The following PDE6A variants were observed in gnomAD, a reference collection of about 807,000 sequenced individuals.
The protein encoded by PDE6A is rod cGMP-specific 3',5'-cyclic phosphodiesterase subunit alpha.
Under a neutral mutation model 106.3 loss-of-function variants are expected in PDE6A, and 84 were observed. The ratio of observed to expected loss-of-function variants is 0.79; its 90% confidence interval spans 0.66 to 0.95. The LOEUF (loss-of-function observed/expected upper bound fraction) is 0.95, where lower values mean the gene tolerates loss of function less well. Ranked by LOEUF, PDE6A falls within the 40% of genes least tolerant of loss-of-function variation. The pLI is 0.00. For missense variants in PDE6A, 1,052 were observed against 1,084.9 expected (o/e 0.97, Z 0.43); for synonymous variants, 394 against 386.6 (o/e 1.02, Z -0.23).
rs56930344 is a variant in PDE6A, at chr5:149,940,505, C to CTTTTTTTTTTTTTT, written c.474+3694_474+3695insAAAAAAAAAAAAAA. On this transcript the variant is annotated intron_variant, in intron 1 of 21. Transcript: ENST00000255266. ...AGACCAAAAGATACCTGTTTGAATCCTTTTTTTTTTGGAGACAGTTTTGCT... is the reference window on the plus strand; with the variant it reads ...AGACCAAAAGATACCTGTTTGAATCCTTTTTTTTTTTTTTTTTTTTTTTTGGAGACAGTTTTGCT... 3.0e-3 allele frequency among the ~76,000 whole-genome samples: 419 copies of CTTTTTTTTTTTTTT among 141,514 alleles called. 5 individuals carry two copies. Among genetic ancestry groups the CTTTTTTTTTTTTTT allele is most frequent in the African/African-American group, 4.9e-3 (185 of 37,570 alleles). The allele number at this position is 141,514 out of a possible 152,430, so 92.8% of individuals were successfully genotyped here.
At chr5:149,936,332 T>C (rs1754185104) in intron 1 of PDE6A, among the ~76,000 whole-genome samples, 1 of 152,190 alleles carries the variant, frequency 6.6e-6, no homozygotes. Context: ...TAAGAGAAGC[T>C]TGTAGTGCTG....
chr5:149,909,743 A>AT (rs1479082303), intron 6 of PDE6A, among the ~76,000 whole-genome samples: 4 of 152,066 alleles, frequency 2.6e-5, no homozygotes, highest in African/African-American at 9.7e-5. Context: ...CAGGTTTTTT[A>AT]TTTTTTACAG....
intron 17 of PDE6A, among the ~76,000 whole-genome samples, chr5:149,873,427 G>A (rs1476581993): frequency 6.6e-6 from 1 of 151,550 alleles, no homozygotes; most frequent in Admixed American, 6.6e-5. Context: ...TACCTCTGGA[G>A]TTCAAACGAT....
chr5:149,897,004 T>G (rs30818), intron 10 of PDE6A, among the ~76,000 whole-genome samples: 64,513 of 152,070 alleles, frequency 0.42, 15,882 homozygotes, highest in Non-Finnish European at 0.57. Context: ...ATGCTTCTGA[T>G]CTTCAGTTTC....
intron 5 of PDE6A, 111 bp downstream of exon 5, chr5:149,921,524 C>A (rs1172659824): frequency 3.8e-6 from 3 of 792,050 alleles, no homozygotes; most frequent in Non-Finnish European, 6.5e-6. Context: ...AAGGAGACAA[C>A]CCAACGCAAA....
intron 8 of PDE6A, among the ~76,000 whole-genome samples, chr5:149,900,398 T>TGTATATATATATATATATATCC (rs1752930997): frequency 7.4e-6 from 1 of 135,102 alleles, no homozygotes; most frequent in Admixed American, 7.7e-5. Flanking sequence ...TATATATATA[T>TGTATATATATATATATATATCC]CCGTTGGTTC....
intron 13 of PDE6A, among the ~76,000 whole-genome samples, chr5:149,891,430 G>A (rs190350073): frequency 3.3e-5 from 5 of 152,198 alleles, no homozygotes; most frequent in East Asian, 1.9e-4. Context: ...AGATCACATC[G>A]CTGTACTCCA....
chr5:149,879,403 A>ATT (rs928837288), intron 17 of PDE6A, among the ~76,000 whole-genome samples: 1 of 144,000 alleles, frequency 6.9e-6, no homozygotes, highest in Non-Finnish European at 1.5e-5. Context: ...TCGCTCTGAA[A>ATT]TTTTTTTTTT....
chr5:149,896,893 G>A, intron 10 of PDE6A, 117 bp from the exon 11 acceptor site: 1 of 1,138,530 alleles, frequency 8.8e-7, no homozygotes, highest in Non-Finnish European at 1.3e-6. Flanking sequence ...AGCTCAAAGA[G>A]GATTCCATTT....
At chr5:149,903,603 GA>G (rs746919336) in intron 8 of PDE6A, 44 bp downstream of exon 8, 48 of 1,493,604 alleles carry the variant, frequency 3.2e-5, no homozygotes, top group Middle Eastern at 1.7e-4. Context: ...CTTTGGGGAG[GA>G]AAAAAAATCA....
Position 149,915,849 on chromosome 5 carries a change from T to C in PDE6A, c.934-842A>G, listed in dbSNP as rs1753534234. On this transcript the variant is annotated intron_variant, in intron 5 of 21. Transcript: ENST00000255266. The stretch of plus-strand genomic sequence containing the variant: ...GAAACCAGTTTTATCTGATAGTTGC[T>C]GAAACAACCTGCTGCAACTCTAGGA... Among the ~76,000 whole-genome samples the C allele has an allele frequency of 2.0e-5, 3 of 151,730 alleles. No individual in the cohort carries two copies. In the South Asian group the frequency reaches 6.2e-4, roughly 31 times the overall value.
At position 149,928,208 on chromosome 5, in the gene PDE6A, G is replaced by GATAT. The variant is rs1228867964; in HGVS notation, c.858+2819_858+2820insATAT. On this transcript the variant is annotated intron_variant, in intron 4 of 21. Coordinates refer to ENST00000255266, the MANE Select transcript of PDE6A (RefSeq NM_000440.3). ...TGTACTACAGCTCATAATTGTATGT[G>GATAT]CTATATATATATATATATATATATT... Among the ~76,000 whole-genome samples, 40 of 57,728 alleles carry GATAT rather than the reference G, an allele frequency of 6.9e-4. 1 individual carries two copies. The highest frequency in any genetic ancestry group is 3.5e-3 in the African/African-American group (37 of 10,588). The allele number at this position is 57,728 out of a possible 152,430, so 37.9% of individuals were successfully genotyped here. A position where few individuals can be genotyped will look rare whatever the true frequency, so the allele number is the denominator to read the frequency against.
intron 16 of PDE6A, among the ~76,000 whole-genome samples, chr5:149,884,199 A>T (rs4394112): frequency 0.48 from 68,615 of 142,090 alleles, 17,384 homozygotes; most frequent in African/African-American, 0.58. Context: ...AAAAAAAAAA[A>T]ATATATATAT....
chr5:149,889,953 A>G (rs978415834), intron 13 of PDE6A, among the ~76,000 whole-genome samples: 16 of 141,344 alleles, frequency 1.1e-4, no homozygotes, highest in African/African-American at 4.3e-4. Context: ...CCAAAGTCAT[A>G]TTCATTTTTT....
In PDE6A at chr5:149,858,268, T is replaced by C. The variant is rs1334889004; in HGVS notation, c.*2627A>G. On this transcript the variant is annotated 3_prime_UTR_variant, in exon 22 of 22. Coordinates refer to ENST00000255266, the MANE Select transcript of PDE6A (RefSeq NM_000440.3). ...AATTATACCTCCATAAAGCTGGTGGTGGGGGGGGAACGATAGAGAAGGAAA... is the reference window on the plus strand; with the variant it reads ...AATTATACCTCCATAAAGCTGGTGGCGGGGGGGGAACGATAGAGAAGGAAA... 1 of 151,384 alleles carries C rather than the reference T, an allele frequency of 6.6e-6. No individual in the cohort carries two copies. Among genetic ancestry groups the C allele is most frequent in the Non-Finnish European group, 1.5e-5 (1 of 67,840 alleles). The allele number at this position is 151,384 out of a possible 1,614,324, so 9.4% of individuals were successfully genotyped here.
chr5:149,876,819 A>G (rs1343380578), intron 17 of PDE6A, among the ~76,000 whole-genome samples: 1 of 152,060 alleles, frequency 6.6e-6, no homozygotes, highest in African/African-American at 2.4e-5. Flanking sequence ...CAATACATCC[A>G]ACTTATCTTT....
At chr5:149,932,434 G>C in intron 3 of PDE6A, 1 of 1,390,978 alleles carries the variant, frequency 7.2e-7, no homozygotes, top group East Asian at 2.3e-5. Flanking sequence ...GGAGTTGACT[G>C]AATAAGGTCA....
At chr5:149,887,404 C>A (rs1205648549) in intron 13 of PDE6A, among the ~76,000 whole-genome samples, 1 of 152,160 alleles carries the variant, frequency 6.6e-6, no homozygotes, top group African/African-American at 2.4e-5. Flanking sequence ...CATGGCAGGT[C>A]ACACATGGCA....
intron 17 of PDE6A, among the ~76,000 whole-genome samples, chr5:149,876,926 G>C (rs1030445167): frequency 6.6e-6 from 1 of 151,852 alleles, no homozygotes. Flanking sequence ...TAGATAGATA[G>C]ATAGATACAT....
Sources: allele counts gnomAD v4.1 joint callset (sites outside exome capture counted in the v4.1 genomes callset), GRCh38; gene constraint gnomAD v4.1.1; transcripts MANE v1.5; gene names NCBI Gene and HGNC (gene_info 2026-07-23, HGNC 2026-07-21).